HCFC2: variants seen among roughly 807,000 people sequenced by gnomAD.
HCFC2 encodes host cell factor 2.
HCFC2 carries 18 observed loss-of-function variants against 89.2 expected under a neutral mutation model. The observed-to-expected ratio is 0.20, with a 90% CI of 0.14 to 0.30. The LOEUF is 0.30. Among genes scored for constraint, HCFC2 ranks in the 10% least tolerant of loss-of-function variants. The pLI is 1.00. For missense variants in HCFC2, 578 were observed against 956.1 expected, an observed-to-expected ratio of 0.60 and a Z score of 5.21; for synonymous variants, 308 against 335.7, an observed-to-expected ratio of 0.92 and a Z score of 0.90.
intron 2 of HCFC2, 59 bp from the exon 3 acceptor site, chr12:104,067,888 C>A: frequency 6.8e-7 from 1 of 1,466,852 alleles, no homozygotes; most frequent in East Asian, 2.4e-5. Context: ...GCACTATTGA[C>A]AATATAGGAG....
chr12:104,087,123 G>A (rs1270598719), intron 8 of HCFC2, 109 bp downstream of exon 8: 3 of 995,716 alleles, frequency 3.0e-6, no homozygotes, highest in Non-Finnish European at 2.9e-6. Flanking sequence ...GGGAGGCTGA[G>A]GCAGGTGGAT....
At chr12:104,083,873 A>G (rs1566230678) in intron 7 of HCFC2, among the ~76,000 whole-genome samples, 2 of 152,002 alleles carry the variant, frequency 1.3e-5, no homozygotes, top group African/African-American at 4.8e-5. Flanking sequence ...CCAAACAAAA[A>G]ATTAGCCAGG....
intron 4 of HCFC2, 105 bp downstream of exon 4, chr12:104,079,758 A>G: frequency 1.2e-6 from 1 of 819,948 alleles, no homozygotes; most frequent in Non-Finnish European, 2.0e-6. Context: ...ATTTATAACC[A>G]GCACTTGTAG....
At position 104,093,474 on chromosome 12, in the gene HCFC2, C is replaced by T. The variant is rs574023442; in HGVS notation, c.1373C>T (p.Thr458Met). Residue 458 changes from threonine to methionine, a missense_variant, in exon 10 of 15, where the codon ACG becomes ATG. Transcript: ENST00000229330. ...MKNKPDFKAL[T>M]DSNAILYPSL... Reference sequence around the variant, plus strand: ...AACAAACCAGACTTTAAAGCACTGACGGATTCTAATGCCATTTTATATCCA... The same window carrying T: ...AACAAACCAGACTTTAAAGCACTGATGGATTCTAATGCCATTTTATATCCA... The T allele has an allele frequency of 1.2e-5, 19 of 1,613,012 alleles. No homozygotes were observed. The highest frequency in any genetic ancestry group is 3.3e-5 in the Admixed American group (2 of 59,980).
chr12:104,079,967 A>C (rs1883631460), intron 4 of HCFC2, among the ~76,000 whole-genome samples: 1 of 152,198 alleles, frequency 6.6e-6, no homozygotes, highest in Non-Finnish European at 1.5e-5. Flanking sequence ...TTTCACTCTG[A>C]AAAATGTCCT....
rs2030082470 is a variant in HCFC2, at chr12:104,106,271, G to T, written c.*2998G>T. The T allele has an allele frequency of 6.6e-6, 1 of 152,174 alleles. No homozygotes were observed. Among genetic ancestry groups the T allele is most frequent in the East Asian group, 1.9e-4 (1 of 5,184 alleles). The allele number at this position is 152,174 out of a possible 1,614,324, so 9.4% of individuals were successfully genotyped here. On this transcript the variant is annotated 3_prime_UTR_variant, in exon 15 of 15. Transcript: ENST00000229330. ...ATTAGAAATAAGGTCTATAGCTAAA[G>T]ATATTTTTATTTTAAAAAATTACAG...
chr12:104,086,487 A>G (rs1261375909), intron 7 of HCFC2, among the ~76,000 whole-genome samples: 2 of 151,908 alleles, frequency 1.3e-5, no homozygotes, highest in African/African-American at 4.8e-5. Context: ...CCTCCCCCCA[A>G]AAACCTTCTA....
chr12:104,074,078 C>A (rs949133781), intron 3 of HCFC2, among the ~76,000 whole-genome samples: 3 of 152,166 alleles, frequency 2.0e-5, no homozygotes, highest in Non-Finnish European at 4.4e-5. Flanking sequence ...ATTTACCTTT[C>A]TATCATTAAT....
chr12:104,073,369 T>A (rs1883396180), intron 3 of HCFC2, among the ~76,000 whole-genome samples: 1 of 151,846 alleles, frequency 6.6e-6, no homozygotes, highest in Admixed American at 6.6e-5. Context: ...TTCACTTTGT[T>A]GGCCAGGCTG....
chr12:104,093,279 A>G, intron 9 of HCFC2, 107 bp from the exon 10 acceptor site: 1 of 683,948 alleles, frequency 1.5e-6, no homozygotes, highest in South Asian at 2.7e-5. Context: ...GGTGTTTTCT[A>G]TTTTGATAAA....
At chr12:104,091,753 G>A (rs1284060296) in intron 9 of HCFC2, among the ~76,000 whole-genome samples, 1 of 152,166 alleles carries the variant, frequency 6.6e-6, no homozygotes, top group Admixed American at 6.5e-5. Context: ...CTACCTGGCT[G>A]TAGGTGTATT....
rs754817344 is a variant in HCFC2, at chr12:104,082,538, A to G, written c.806A>G (p.Glu269Gly). The change falls in exon 6 of 15, where the codon GAA becomes GGA. Residue 269 changes from glutamate to glycine, a missense_variant. Physicochemically the swap from Glu to Gly is moderately conservative, Grantham distance 98. This residue lies in a region of HCFC2 where 206 missense variants were observed against 419.2 expected (regional missense o/e 0.49). Coordinates refer to ENST00000229330, the MANE Select transcript of HCFC2 (RefSeq NM_013320.3). ...GGTGGATGGGTCCCACATAAGGGGGAAAATACTGAGACTTCACCTCATGAT... is the reference window on the plus strand; with the variant it reads ...GGTGGATGGGTCCCACATAAGGGGGGAAATACTGAGACTTCACCTCATGAT... ...IFGGWVPHKG[E>G]NTETSPHDCE... 6.2e-7 allele frequency: 1 copy of G among 1,613,398 alleles called. No individual in the cohort carries two copies. Among genetic ancestry groups the G allele is most frequent in the Non-Finnish European group, 8.5e-7 (1 of 1,179,478 alleles).
At position 104,095,033 on chromosome 12, in the gene HCFC2, A is replaced by G. The variant is rs960276208; in HGVS notation, c.1463-327A>G. Among the ~76,000 whole-genome samples, 3 of 152,196 alleles carry G rather than the reference A, an allele frequency of 2.0e-5. No homozygotes were observed. The highest frequency in any genetic ancestry group is 4.8e-5 in the African/African-American group (2 of 41,452). On this transcript the variant is annotated intron_variant, in intron 10 of 14. Transcript: ENST00000229330. This position sits in a 1 kb window ranked among gnomAD's most constrained non-coding sequence, Gnocchi z 4.2. ...CAGCCAGAGAAGGCAGAAAATTGAG[A>G]TAATTCATGCTTAATGACCTCTAAT...
At chr12:104,070,110 C>T (rs935461423) in intron 3 of HCFC2, among the ~76,000 whole-genome samples, 15 of 152,146 alleles carry the variant, frequency 9.9e-5, no homozygotes, top group Non-Finnish European at 1.9e-4. Flanking sequence ...GCAAGCTCCG[C>T]CTCCTGGGTT....
chr12:104,081,463 A>G (rs140699570), intron 5 of HCFC2, among the ~76,000 whole-genome samples: 1 of 152,338 alleles, frequency 6.6e-6, no homozygotes, highest in African/African-American at 2.4e-5. Flanking sequence ...ACCATCAACA[A>G]ATTCCCTTAT....
In HCFC2 at chr12:104,077,531, C is replaced by T. The variant is rs141726455; in HGVS notation, c.474-1914C>T. 1.8e-3 allele frequency among the ~76,000 whole-genome samples: 266 copies of T among 150,320 alleles called. 1 individual carries two copies. The highest frequency in any genetic ancestry group is 6.0e-3 in the African/African-American group (247 of 41,112). On this transcript the variant is annotated intron_variant, in intron 3 of 14. Transcript: ENST00000229330. Reference sequence around the variant, plus strand: ...ACTGCTGAGATTGGGCATGAGCCACCGTGCCTGGCCCCTGGCCTGTTTTTT... The same window carrying T: ...ACTGCTGAGATTGGGCATGAGCCACTGTGCCTGGCCCCTGGCCTGTTTTTT...
intron 3 of HCFC2, among the ~76,000 whole-genome samples, chr12:104,071,574 A>C (rs1200526501): frequency 6.6e-6 from 1 of 150,968 alleles, no homozygotes; most frequent in Non-Finnish European, 1.5e-5. Context: ...ACACAGACCT[A>C]ACTATTTTAT....
At position 104,077,240 on chromosome 12, in the gene HCFC2, T is replaced by G. The variant is rs549742947; in HGVS notation, c.474-2205T>G. ...TTTTTGTTTGTTTGTTTGTTTGTTT[T>G]TTGTTTTTTGTTTTTTTTTTGAGAC... is the stretch of plus-strand genomic sequence containing the variant. On this transcript the variant is annotated intron_variant, in intron 3 of 14. Coordinates refer to ENST00000229330, the MANE Select transcript of HCFC2 (RefSeq NM_013320.3). Among the ~76,000 whole-genome samples the G allele has an allele frequency of 5.9e-5, 9 of 151,956 alleles. No homozygotes were observed. In the South Asian group the frequency reaches 8.3e-4, roughly 14 times the overall value.
Position 104,102,022 on chromosome 12 carries a change from C to G in HCFC2, c.1933C>G (p.Pro645Ala), listed in dbSNP as rs1340999399. ...CTTGCTTAAGAAACAAGATCTTGTT[C>G]CAGGCACAGGATACAGATTCAGGGT... ...YSLLKKQDLV[P>A]GTGYRFRVAA... Residue 645 changes from proline to alanine, a missense_variant, in exon 14 of 15, where the codon CCA becomes GCA. Physicochemically the swap from Pro to Ala is conservative, Grantham distance 27. Coordinates refer to ENST00000229330, the MANE Select transcript of HCFC2 (RefSeq NM_013320.3). The G allele has an allele frequency of 1.9e-6, 3 of 1,613,016 alleles. No individual in the cohort carries two copies. The highest frequency in any genetic ancestry group is 1.7e-5 in the Admixed American group (1 of 60,006).
Sources: allele counts gnomAD v4.1 joint callset (sites outside exome capture counted in the v4.1 genomes callset), GRCh38; gene constraint gnomAD v4.1.1; regional missense constraint gnomAD v4.1.1; non-coding constraint Gnocchi (gnomAD v3.1); transcripts MANE v1.5; gene names NCBI Gene and HGNC (gene_info 2026-07-23, HGNC 2026-07-21).